Variants in MIER2 observed in about 807,000 individuals in gnomAD.
MIER2 encodes the protein mesoderm induction early response protein 2.
A neutral mutation model predicts 67.6 loss-of-function variants in MIER2; 30 were observed. That is an observed-to-expected ratio of 0.44 (90% CI 0.33 to 0.60). The LOEUF (loss-of-function observed/expected upper bound fraction) is 0.60. Among genes scored for constraint, MIER2 ranks in the 20% least tolerant of loss-of-function variants. MIER2 has a pLI of 0.02. For missense variants in MIER2, 702 were observed against 745.1 expected, an observed-to-expected ratio of 0.94 and a Z score of 0.67; for synonymous variants, 372 against 312.6, an observed-to-expected ratio of 1.19 and a Z score of -2.00.
upstream of MIER2, chr19:344,796 CG>C (rs1972674422): frequency 2.5e-6 from 3 of 1,198,164 alleles, no homozygotes; most frequent in Non-Finnish European, 3.1e-6. Flanking sequence ...CGTGTGTGCG[CG>C]GGAGGCGGTG....
chr19:316,435 G>C (rs981596000), intron 7 of MIER2, among the ~76,000 whole-genome samples: 1 of 152,042 alleles, frequency 6.6e-6, no homozygotes, highest in Non-Finnish European at 1.5e-5. Context: ...TGGGACTACA[G>C]GTGCCCACCA....
intron 7 of MIER2, among the ~76,000 whole-genome samples, chr19:320,274 G>A (rs961551248): frequency 1.3e-5 from 2 of 151,974 alleles, no homozygotes; most frequent in African/African-American, 4.8e-5. Context: ...CCAGCTACTC[G>A]GGAGACTGCA....
intron 7 of MIER2, among the ~76,000 whole-genome samples, chr19:321,181 G>A (rs912933551): frequency 2.0e-5 from 3 of 152,180 alleles, no homozygotes; most frequent in African/African-American, 7.2e-5. Context: ...TAAAGGTGTT[G>A]CGAGTTTTGA....
chr19:326,741 A>G, intron 5 of MIER2, 143 bp from the exon 6 acceptor site: 2 of 683,330 alleles, frequency 2.9e-6, no homozygotes, highest in Admixed American at 2.5e-5. Flanking sequence ...ACAGATGGGC[A>G]CAGGACCCAG....
Position 313,542 on chromosome 19 carries a change from T to C in MIER2, c.757A>G (p.Met253Val). Reference protein sequence around the residue: ...YRAVKRRWHEMAGPQLPEGEA... With the variant: ...YRAVKRRWHEVAGPQLPEGEA... ...CCCTCTGGGAGCTGAGGCCCGGCCA[T>C]CTCGTGCCAACGCCGCTTCACCGCC... The change falls in exon 8 of 14, where the codon ATG becomes GTG. Residue 253 changes from methionine to valine, a missense_variant. Met to Val is a conservative substitution (Grantham distance 21, BLOSUM62 1). Coordinates refer to ENST00000264819, the MANE Select transcript of MIER2 (RefSeq NM_017550.3). 6.2e-7 allele frequency: 1 copy of C among 1,613,100 alleles called. No homozygotes were observed.
intron 1 of MIER2, chr19:344,064 T>C (rs764446295): frequency 4.1e-6 from 4 of 985,370 alleles, no homozygotes; most frequent in Non-Finnish European, 4.8e-6. Context: ...CCCAAACATT[T>C]CAGATAAAGG....
rs116106706 is a variant in MIER2 at position 343,830 on chromosome 19, C to T, written c.9+944G>A. ...CCTACATTATCTCTTTCCATCTTCACCAGGGCCCTCCAAGGTGAAAGCAAG... is the reference window on the plus strand; with the variant it reads ...CCTACATTATCTCTTTCCATCTTCATCAGGGCCCTCCAAGGTGAAAGCAAG... On this transcript the variant is annotated intron_variant, in intron 1 of 13. Transcript: ENST00000264819. 1,243 of 985,168 alleles carry T rather than the reference C, an allele frequency of 1.3e-3. 11 individuals carry two copies. The African/African-American group carries it at 0.02, about 16-fold the overall frequency. 61.0% of individuals were successfully genotyped at this position (985,168 alleles called of 1,614,324 possible). A position where few individuals can be genotyped will look rare whatever the true frequency, so the allele number is the denominator to read the frequency against.
In MIER2 at chr19:305,939, C is replaced by CG. The variant is rs1970629072; in HGVS notation, c.*750dup. 6.6e-6 allele frequency: 1 copy of CG among 152,066 alleles called. No individual in the cohort carries two copies. Among genetic ancestry groups the CG allele is most frequent in the African/African-American group, 2.4e-5 (1 of 41,382 alleles). 9.4% of individuals were successfully genotyped at this position (152,066 alleles called of 1,614,324 possible). The stretch of plus-strand genomic sequence containing the variant: ...CTCCGGAGGCTCCCTGCCTTGGTAC[C>CG]GGGGGAGGACAGCAAAGGGGATGTA... On this transcript the variant is annotated 3_prime_UTR_variant, in exon 14 of 14. Coordinates refer to ENST00000264819, the MANE Select transcript of MIER2 (RefSeq NM_017550.3).
In MIER2 at chr19:313,592, C is replaced by T; in HGVS notation, c.707G>A (p.Arg236Lys). 1.2e-6 allele frequency: 2 copies of T among 1,613,400 alleles called. No individual in the cohort carries two copies. Among genetic ancestry groups the T allele is most frequent in the Non-Finnish European group, 1.7e-6 (2 of 1,179,954 alleles). Residue 236 changes from arginine to lysine, a missense_variant, in exon 8 of 14, where the codon AGG (arginine) becomes AAG (lysine). Physicochemically the swap from Arg to Lys is conservative, Grantham distance 26. Coordinates refer to ENST00000264819, the MANE Select transcript of MIER2 (RefSeq NM_017550.3). ...LLWDPSVLPEREVEEFLYRAV... is the reference protein window; with the variant it reads ...LLWDPSVLPEKEVEEFLYRAV... ...CCTGTACAGGAACTCCTCCACCTCC[C>T]TCTCAGGGAGGACGCTGGGGTCCCA...
intron 10 of MIER2, among the ~76,000 whole-genome samples, chr19:310,835 G>A (rs1488494024): frequency 2.7e-5 from 4 of 150,262 alleles, no homozygotes; most frequent in African/African-American, 9.9e-5. Flanking sequence ...CAGGAGTCCA[G>A]AAACACGGCC....
intron 1 of MIER2, chr19:343,974 T>C: frequency 1.0e-6 from 1 of 983,848 alleles, no homozygotes; most frequent in Non-Finnish European, 1.2e-6. Flanking sequence ...CAGTCCTAGG[T>C]GGGTTTGATC....
At chr19:330,438 A>T (rs1384070949) in intron 3 of MIER2, 1 of 151,362 alleles carries the variant, frequency 6.6e-6, no homozygotes, top group Non-Finnish European at 1.5e-5. Flanking sequence ...AGTCCCAGTT[A>T]CTCGGGAGGC....
rs1971314416 is a variant in MIER2, at chr19:317,695, AC to A, written c.656-4053del. ...CCGTGAAGTAAGATCGCATCACTGC[AC>A]TCCAGCCTGGGCAATGAGAGTGAGA... is the stretch of plus-strand genomic sequence containing the variant. On this transcript the variant is annotated intron_variant, in intron 7 of 13. Coordinates refer to ENST00000264819, the MANE Select transcript of MIER2 (RefSeq NM_017550.3). Among the ~76,000 whole-genome samples the A allele has an allele frequency of 2.0e-5, 3 of 148,466 alleles. No individual in the cohort carries two copies. The South Asian group carries it at 6.4e-4, about 32-fold the overall frequency.
At chr19:340,094 GGT>G (rs1972435716) in intron 1 of MIER2, among the ~76,000 whole-genome samples, 1 of 152,190 alleles carries the variant, frequency 6.6e-6, no homozygotes. Flanking sequence ...AAACCTCACA[GGT>G]GGTATAATCA....
At chr19:326,904 C>G in intron 5 of MIER2, 1 of 601,070 alleles carries the variant, frequency 1.7e-6, no homozygotes, top group Non-Finnish European at 2.8e-6. Flanking sequence ...GCTAGGGGAA[C>G]CAACATGTTC....
Position 327,959 on chromosome 19 carries a change from C to T in MIER2, c.274G>A (p.Ala92Thr), listed in dbSNP as rs907920206. The change falls in exon 4 of 14, where the codon GCG (alanine) becomes ACG (threonine). Residue 92 changes from alanine to threonine, a missense_variant. Around this residue, in one of 3 missense-constraint regions of MIER2, gnomAD observed 320 missense variants for 292.6 expected, o/e 1.09. Coordinates refer to ENST00000264819, the MANE Select transcript of MIER2 (RefSeq NM_017550.3). ...TCTGACGCCTCGTAGCCATAGAGCG[C>T]AAGCAGCTCATCAAAGGGCATGTCG... is the stretch of plus-strand genomic sequence containing the variant. ...SNDMPFDELLALYGYEASDPI... is the reference protein window; with the variant it reads ...SNDMPFDELLTLYGYEASDPI... 3 of 1,613,108 alleles carry T rather than the reference C, an allele frequency of 1.9e-6. No homozygotes were observed. In the African/African-American group the frequency reaches 4.0e-5, roughly 22 times the overall value.
At chr19:309,210 CCAGA>C (rs1410487822) in intron 10 of MIER2, among the ~76,000 whole-genome samples, 1 of 152,146 alleles carries the variant, frequency 6.6e-6, no homozygotes, top group African/African-American at 2.4e-5. Flanking sequence ...GTAGCATCAG[CCAGA>C]CAAACGTACC....
intron 1 of MIER2, among the ~76,000 whole-genome samples, chr19:341,319 G>C (rs760372614): frequency 6.6e-6 from 1 of 152,208 alleles, no homozygotes; most frequent in South Asian, 2.1e-4. Flanking sequence ...TCCACACCGA[G>C]TAACAGGGAG....
At chr19:311,814 C>G (rs775727583) in intron 10 of MIER2, 31 bp downstream of exon 10, 1 of 1,610,772 alleles carries the variant, frequency 6.2e-7, no homozygotes, top group Admixed American at 1.7e-5. Context: ...ATCGAGAAGC[C>G]CCCGGTGGAG....
Sources: allele counts gnomAD v4.1 joint callset (sites outside exome capture counted in the v4.1 genomes callset), GRCh38; gene constraint gnomAD v4.1.1; regional missense constraint gnomAD v4.1.1; transcripts MANE v1.5; gene names NCBI Gene and HGNC (gene_info 2026-07-23, HGNC 2026-07-21).